Variants in DOCK3 observed in about 807,000 individuals in gnomAD.
DOCK3 encodes dedicator of cytokinesis protein 3.
Under a neutral mutation model 265.6 loss-of-function variants are expected in DOCK3, and 60 were observed. The observed-to-expected ratio is 0.23, with a 90% CI of 0.18 to 0.28. The LOEUF (loss-of-function observed/expected upper bound fraction) is 0.28, where lower values mean the gene tolerates loss of function less well. DOCK3 is among the 10% of genes least tolerant of loss of function. The probability of loss-of-function intolerance (pLI) is 1.00; values close to 1 mark genes in which losing one functional copy is unlikely to be tolerated. For synonymous variants in DOCK3, 881 were observed against 938.0 expected (o/e 0.94, Z 1.11); for missense variants, 1,981 against 2,594.3 (o/e 0.76, Z 5.14).
Position 51,277,885 on chromosome 3 carries a change from G to A in DOCK3, c.2823+131G>A, listed in dbSNP as rs557789219. 17 of 1,512,450 alleles carry A rather than the reference G, an allele frequency of 1.1e-5. No homozygotes were observed. The African/African-American group carries it at 2.2e-4, about 20-fold the overall frequency. 93.7% of individuals were successfully genotyped at this position (1,512,450 alleles called of 1,614,324 possible). ...CCTCCTGCATGGTTGTCAGCATGCTGCCCTCTTCCCTTCTTGAGTCTGACT... is the reference window on the plus strand; with the variant it reads ...CCTCCTGCATGGTTGTCAGCATGCTACCCTCTTCCCTTCTTGAGTCTGACT... On this transcript the variant is annotated intron_variant, in intron 26 of 52. Coordinates refer to ENST00000266037, the MANE Select transcript of DOCK3 (RefSeq NM_004947.5).
chr3:50,721,790 G>A (rs1358110442), intron 1 of DOCK3, among the ~76,000 whole-genome samples: 1 of 152,136 alleles, frequency 6.6e-6, no homozygotes, highest in Non-Finnish European at 1.5e-5. Context: ...GGGCAGTATG[G>A]CCATTTTAAC....
At chr3:51,118,807 T>C (rs2083880022) in intron 9 of DOCK3, among the ~76,000 whole-genome samples, 1 of 152,180 alleles carries the variant, frequency 6.6e-6, no homozygotes, top group Non-Finnish European at 1.5e-5. Flanking sequence ...CATTTTTTTT[T>C]TTGCTTTCCA....
chr3:51,027,057 T>C (rs890929646), intron 5 of DOCK3, among the ~76,000 whole-genome samples: 1 of 152,300 alleles, frequency 6.6e-6, no homozygotes, highest in Middle Eastern at 3.4e-3. Flanking sequence ...GGTTGTTAAT[T>C]TGAGATCTTT....
intron 9 of DOCK3, among the ~76,000 whole-genome samples, chr3:51,118,876 T>C (rs1021994466): frequency 1.3e-5 from 2 of 152,172 alleles, no homozygotes; most frequent in African/African-American, 4.8e-5. Context: ...TTTTTGCACA[T>C]GAGATGGGTC....
intron 5 of DOCK3, among the ~76,000 whole-genome samples, chr3:50,961,000 A>G (rs2076871041): frequency 6.6e-6 from 1 of 152,176 alleles, no homozygotes; most frequent in Non-Finnish European, 1.5e-5. Context: ...ATATAAGGGA[A>G]AATTTATGGA....
chr3:51,134,815 G>A (rs2084719844), intron 9 of DOCK3, among the ~76,000 whole-genome samples: 1 of 152,114 alleles, frequency 6.6e-6, no homozygotes, highest in Admixed American at 6.6e-5. Context: ...AACAGATAAA[G>A]CATGGGCTTT....
intron 12 of DOCK3, among the ~76,000 whole-genome samples, chr3:51,203,347 A>G (rs1248834229): frequency 3.3e-5 from 5 of 152,256 alleles, no homozygotes; most frequent in Non-Finnish European, 7.3e-5. Context: ...AATGTACAGA[A>G]ATCACAAGCA....
chr3:51,369,595 G>A (rs1057279924), intron 49 of DOCK3, among the ~76,000 whole-genome samples: 1 of 152,192 alleles, frequency 6.6e-6, no homozygotes, highest in African/African-American at 2.4e-5. Flanking sequence ...GACTTGGGAA[G>A]TCATTAAGAA....
At chr3:50,940,146 C>A (rs2076248136) in intron 5 of DOCK3, among the ~76,000 whole-genome samples, 1 of 151,442 alleles carries the variant, frequency 6.6e-6, no homozygotes, top group Non-Finnish European at 1.5e-5. Flanking sequence ...GAACACAGTA[C>A]CATTTATTAG....
At chr3:50,867,508 A>G (rs971149570) in intron 3 of DOCK3, among the ~76,000 whole-genome samples, 37 of 152,098 alleles carry the variant, frequency 2.4e-4, no homozygotes, top group Admixed American at 1.6e-3. Flanking sequence ...ATCTTAGAGG[A>G]AAGAAAGGCT....
chr3:51,269,957 G>T (rs372088635), intron 23 of DOCK3, among the ~76,000 whole-genome samples: 9 of 152,172 alleles, frequency 5.9e-5, no homozygotes, highest in African/African-American at 1.9e-4. Context: ...AAGCGGTAAA[G>T]CTTGGATTTG....
Position 50,862,295 on chromosome 3 carries a change from A to G in DOCK3, c.162+20580A>G, listed in dbSNP as rs112793890. Among the ~76,000 whole-genome samples, 425 of 152,358 alleles carry G rather than the reference A, an allele frequency of 2.8e-3. 3 individuals carry two copies. The highest frequency in any genetic ancestry group is 9.8e-3 in the African/African-American group (407 of 41,586). On this transcript the variant is annotated intron_variant, in intron 3 of 52. Coordinates refer to ENST00000266037, the MANE Select transcript of DOCK3 (RefSeq NM_004947.5). ...ATGTATTGGATGAATTAGCTTACAT[A>G]TATCGTTCAGGGCAGAGGATAGGGA...
intron 5 of DOCK3, among the ~76,000 whole-genome samples, chr3:51,011,929 C>T (rs2078968669): frequency 6.6e-6 from 1 of 152,170 alleles, no homozygotes; most frequent in African/African-American, 2.4e-5. Flanking sequence ...GCAGATGCTC[C>T]AGAACAGCGA....
At chr3:51,098,328 T>C (rs1022219170) in intron 9 of DOCK3, among the ~76,000 whole-genome samples, 1 of 152,238 alleles carries the variant, frequency 6.6e-6, no homozygotes, top group Non-Finnish European at 1.5e-5. Context: ...ATGTTGGGAT[T>C]ACAGGTGTGA....
intron 5 of DOCK3, among the ~76,000 whole-genome samples, chr3:50,947,010 TAAA>T (rs2108282591): frequency 1.3e-5 from 2 of 152,242 alleles, no homozygotes; most frequent in South Asian, 4.1e-4. Context: ...AACAACAGGA[TAAA>T]AAAACCAAAC....
intron 5 of DOCK3, among the ~76,000 whole-genome samples, chr3:51,050,665 G>T (rs2080962051): frequency 1.3e-5 from 2 of 152,304 alleles, no homozygotes; most frequent in South Asian, 2.1e-4. Context: ...GGCAGGAGAA[G>T]ATGAATGTCT....
chr3:51,228,413 T>G (rs1329274403), intron 17 of DOCK3, among the ~76,000 whole-genome samples: 1 of 152,222 alleles, frequency 6.6e-6, no homozygotes, highest in Non-Finnish European at 1.5e-5. Flanking sequence ...TCAACTGTCA[T>G]AGCATAGCTG....
chr3:51,365,395 G>A (rs541158063), intron 49 of DOCK3, among the ~76,000 whole-genome samples: 20 of 152,288 alleles, frequency 1.3e-4, no homozygotes, highest in Admixed American at 3.9e-4. Context: ...GGCTGAGACA[G>A]TGGGGTTTTC....
chr3:51,139,639 C>G (rs1247875434), intron 9 of DOCK3, among the ~76,000 whole-genome samples: 2 of 152,112 alleles, frequency 1.3e-5, no homozygotes, highest in Non-Finnish European at 1.5e-5. Context: ...ATTTTATTCT[C>G]TTGTGTAAGA....
Sources: gnomAD v4.1 joint callset for allele counts (sites outside exome capture counted in the v4.1 genomes callset) on GRCh38, gnomAD v4.1.1 for gene constraint, MANE v1.5 for transcripts, NCBI Gene and HGNC (gene_info 2026-07-23, HGNC 2026-07-21) for gene names.